Variants in OBSL1 observed in about 807,000 individuals in gnomAD.
The protein encoded by OBSL1 is obscurin like cytoskeletal adaptor 1.
Under a neutral mutation model 172.0 loss-of-function variants are expected in OBSL1, and 160 were observed. That is an observed-to-expected ratio of 0.93 (90% CI 0.82 to 1.06). OBSL1 has a LOEUF of 1.06. OBSL1 is among the 50% of genes least tolerant of loss of function. OBSL1 has a pLI of 0.00. For missense variants in OBSL1, 2,681 were observed against 2,715.4 expected, an observed-to-expected ratio of 0.99 and a Z score of 0.28; for synonymous variants, 1,200 against 1,196.3, an observed-to-expected ratio of 1.00 and a Z score of -0.06.
downstream of OBSL1, chr2:219,549,825 G>A: frequency 8.1e-6 from 13 of 1,614,114 alleles, no homozygotes; most frequent in Non-Finnish European, 1.1e-5. Context: ...ACCTCTGACA[G>A]CCTGCTCAGG....
rs1259052145 is a variant in OBSL1, at chr2:219,551,846, C to T, written c.5414-48G>A. The T allele has an allele frequency of 3.9e-6, 5 of 1,266,602 alleles. No homozygotes were observed. In the East Asian group the frequency reaches 1.2e-4, roughly 30 times the overall value. 78.5% of individuals were successfully genotyped at this position (1,266,602 alleles called of 1,614,324 possible). A position where few individuals can be genotyped will look rare whatever the true frequency, so the allele number is the denominator to read the frequency against. On this transcript the variant is annotated intron_variant, in intron 19 of 20. Coordinates refer to ENST00000404537, the MANE Select transcript of OBSL1 (RefSeq NM_015311.3). ...TAAGTTAATAGGGACACGCATGGCCCCCAGGAGGAGAGATGCATCTTCCCT... is the reference window on the plus strand; with the variant it reads ...TAAGTTAATAGGGACACGCATGGCCTCCAGGAGGAGAGATGCATCTTCCCT...
chr2:219,567,304 G>C lies in OBSL1; in HGVS notation c.1806C>G (p.Pro602=). 1 of 1,602,790 alleles carries C rather than the reference G, an allele frequency of 6.2e-7. No individual in the cohort carries two copies. The highest frequency in any genetic ancestry group is 8.5e-7 in the Non-Finnish European group (1 of 1,171,310). ...GAGCAGAACCGTGGAACACCACGTG[G>C]GGACTACGGCCATGTCCGCTGACTG... ...ICTVSGHGRS[P]HVVFHGSAHL... Residue 602 remains proline (P), a synonymous_variant, in exon 4 of 21, where the codon CCC becomes CCG. Transcript: ENST00000404537.
rs1438099743 is a variant in OBSL1, at chr2:219,556,039, C to G, written c.4590G>C (p.Leu1530=). The G allele has an allele frequency of 6.2e-7, 1 of 1,613,584 alleles. No homozygotes were observed. The highest frequency in any genetic ancestry group is 8.5e-7 in the Non-Finnish European group (1 of 1,179,882). ...YGCESHHDRT[L]ARLSVRPRQL... ...ACTCACGCCTCACGCTGAGCCTGGCCAGGGTGCGATCGTGGTGGCTCTCGC... is the reference window on the plus strand; with the variant it reads ...ACTCACGCCTCACGCTGAGCCTGGCGAGGGTGCGATCGTGGTGGCTCTCGC... Residue 1530 remains leucine (L), a synonymous_variant, in exon 14 of 21, where the codon CTG becomes CTC. Coordinates refer to ENST00000404537, the MANE Select transcript of OBSL1 (RefSeq NM_015311.3).
At chr2:219,547,809 G>C, downstream of OBSL1, 1 of 1,591,754 alleles carries the variant, frequency 6.3e-7, no homozygotes. Context: ...CTGGGGGGCG[G>C]CCTGCTCTGT....
downstream of OBSL1, chr2:219,549,500 A>C: frequency 7.9e-7 from 1 of 1,258,576 alleles, no homozygotes; most frequent in Non-Finnish European, 1.1e-6. Flanking sequence ...GAGCCCATGC[A>C]CCAGGGGCTT....
At chr2:219,553,826 A>T in intron 15 of OBSL1, 140 bp from the exon 16 acceptor site, 1 of 289,528 alleles carries the variant, frequency 3.5e-6, no homozygotes, top group Non-Finnish European at 7.0e-6. Flanking sequence ...AAGTGGTCCA[A>T]GAAGGATCTG....
In OBSL1 at chr2:219,557,416, T is replaced by C. The variant is rs1303228082; in HGVS notation, c.3993A>G (p.Ala1331=). The C allele has an allele frequency of 6.5e-7, 1 of 1,548,848 alleles. No homozygotes were observed. Among genetic ancestry groups the C allele is most frequent in the South Asian group, 1.2e-5 (1 of 83,898 alleles). The change falls in exon 12 of 21, where the codon GCA becomes GCG. Residue 1331 remains alanine, a synonymous_variant. Transcript: ENST00000404537. ...GGTACTCCCCAGCGTCCCCGCTCCG[T>C]GCCCCCTGCACCCGCAGCACCTGCC... The part of the protein sequence containing the change: ...GARQVLRVQG[A]RSGDAGEYLC...
chr2:219,552,125 T>A lies in OBSL1; in HGVS notation c.5400A>T (p.Leu1800=), dbSNP rs886055657. The A allele has an allele frequency of 6.2e-7, 1 of 1,610,412 alleles. No individual in the cohort carries two copies. Among genetic ancestry groups the A allele is most frequent in the East Asian group, 2.2e-5 (1 of 44,738 alleles). The change falls in exon 19 of 21, where the codon CTA becomes CTT. Residue 1800 remains leucine (L), a synonymous_variant. Coordinates refer to ENST00000404537, the MANE Select transcript of OBSL1 (RefSeq NM_015311.3). The stretch of plus-strand genomic sequence containing the variant: ...CCAGGTGCTTACCCTCCACTTCCAG[T>A]AGAGCCAGGGACTGGGCGGGCCCCG... ...FQAGPAQSLA[L]LEVEALPLQM...
chr2:219,553,128 G>A, intron 16 of OBSL1, 104 bp from the exon 17 acceptor site: 1 of 1,344,548 alleles, frequency 7.4e-7, no homozygotes, highest in Non-Finnish European at 9.7e-7. Flanking sequence ...CGGTCTCGAG[G>A]CGCGTTTATG....
chr2:219,552,385 TG>T lies in OBSL1; in HGVS notation c.5308+150del. On this transcript the variant is annotated intron_variant, in intron 18 of 20. Transcript: ENST00000404537. ...AGCCTAGAGGTCCGGGACTAGGGGC[TG>T]GGGGCGGGGGAAAGAACAGGGACGA... 4 of 672,786 alleles carry T rather than the reference TG, an allele frequency of 5.9e-6. No homozygotes were observed. The South Asian group carries it at 9.0e-5, about 15-fold the overall frequency. 41.7% of individuals were successfully genotyped at this position (672,786 alleles called of 1,614,324 possible).
intron 8 of OBSL1, chr2:219,561,754 A>T: frequency 3.0e-6 from 2 of 664,512 alleles, no homozygotes; most frequent in South Asian, 3.4e-5. Context: ...GGTTTAACAC[A>T]GGGGTCGCAA....
chr2:219,562,364 T>C, intron 8 of OBSL1, 38 bp downstream of exon 8: 7 of 1,601,640 alleles, frequency 4.4e-6, no homozygotes, highest in Non-Finnish European at 6.0e-6. Context: ...GGCTCAGGGC[T>C]GTCTCTGTGA....
At chr2:219,559,714 C>T in intron 8 of OBSL1, 1 of 548,564 alleles carries the variant, frequency 1.8e-6, no homozygotes, top group South Asian at 2.8e-5. Context: ...TGATGCGTTT[C>T]TCATCTATCA....
In OBSL1 at chr2:219,565,360, CACCAGCA is replaced by C; in HGVS notation, c.2282_2288del (p.Leu761TrpfsTer2). The C allele has an allele frequency of 6.2e-7, 1 of 1,614,042 alleles. No homozygotes were observed. Among genetic ancestry groups the C allele is most frequent in the Non-Finnish European group, 8.5e-7 (1 of 1,179,894 alleles). On this transcript the variant is annotated frameshift_variant, in exon 6 of 21. Transcript: ENST00000404537. LOFTEE classifies it high-confidence loss of function. ...GGTGTTTGCGCCCATCCATCTTCAC[CACCAGCA>C]ACTCGCTCTCCTCCACCTTCTGCCC...
At position 219,568,322 on chromosome 2, in the gene OBSL1, G is replaced by A. The variant is rs766023557; in HGVS notation, c.1015C>T (p.Pro339Ser). The A allele has an allele frequency of 2.5e-6, 4 of 1,600,740 alleles. No individual in the cohort carries two copies. In the South Asian group the frequency reaches 3.4e-5, roughly 13 times the overall value. ...AGGGGCCGTGTGAACCGGAGGCGGG[G>A]CTCTGTGGAGAGGGGAGAGAGAGAC... ...LSAVQLHVKE[P>S]RLRFTRPLQD... is the part of the protein sequence containing the mutation. Residue 339 changes from proline to serine, a missense_variant and splice_region_variant, in exon 2 of 21, where the codon CCC becomes TCC. Physicochemically the swap from Pro to Ser is moderately conservative, Grantham distance 74. This residue lies in a region of OBSL1 where 706 missense variants were observed against 695.8 expected (regional missense o/e 1.01). Transcript: ENST00000404537. The surrounding 1 kb of genome is among the most constrained non-coding windows in gnomAD (Gnocchi z 4.1).
At chr2:219,552,479 C>G (rs1356525804) in intron 18 of OBSL1, 57 bp downstream of exon 18, 1 of 1,502,662 alleles carries the variant, frequency 6.7e-7, no homozygotes, top group Non-Finnish European at 8.9e-7. Context: ...GGGGCGGGAT[C>G]TGTTCGAGCC....
chr2:219,563,865 G>A (rs975995710), intron 6 of OBSL1, among the ~76,000 whole-genome samples: 1 of 152,198 alleles, frequency 6.6e-6, no homozygotes, highest in Non-Finnish European at 1.5e-5. Context: ...AGAGGTGGCG[G>A]GGTGAGTACA....
At position 219,566,951 on chromosome 2, in the gene OBSL1, A is replaced by G; in HGVS notation, c.2013T>C (p.Arg671=). 8 of 1,613,638 alleles carry G rather than the reference A, an allele frequency of 5.0e-6. No individual in the cohort carries two copies. The highest frequency in any genetic ancestry group is 6.8e-6 in the Non-Finnish European group (8 of 1,179,840). ...TGTGCTGCAGACCCTTCTGCTCTAT[A>G]CGGTACCGCAGGGCCCCAGGTTCCA... ...GQVEPGALRY[R]IEQKGLQHRL... The change falls in exon 5 of 21, where the codon CGT becomes CGC. Residue 671 remains arginine, a synonymous_variant. Transcript: ENST00000404537.
chr2:219,568,091 C>T lies in OBSL1; in HGVS notation c.1246G>A (p.Gly416Ser), dbSNP rs761945374. 1.9e-6 allele frequency: 3 copies of T among 1,612,352 alleles called. No individual in the cohort carries two copies. The highest frequency in any genetic ancestry group is 2.2e-5 in the East Asian group (1 of 44,834). ...ACGTTGGCCACGGTGCGCACCCGGC[C>T]CCGCATCTCGCACAGGTAGATACCA... ...DDGIYLCEMR[G>S]RVRTVANVTV... The change falls in exon 2 of 21, where the codon GGC becomes AGC. Residue 416 changes from glycine to serine, a missense_variant. Around this residue, in one of 5 missense-constraint regions of OBSL1, gnomAD observed 706 missense variants for 695.8 expected, o/e 1.01. Coordinates refer to ENST00000404537, the MANE Select transcript of OBSL1 (RefSeq NM_015311.3). This position sits in a 1 kb window ranked among gnomAD's most constrained non-coding sequence, Gnocchi z 4.1.
Sources: allele counts gnomAD v4.1 joint callset (sites outside exome capture counted in the v4.1 genomes callset), GRCh38; gene constraint gnomAD v4.1.1; regional missense constraint gnomAD v4.1.1; non-coding constraint Gnocchi (gnomAD v3.1); transcripts MANE v1.5; gene names NCBI Gene and HGNC (gene_info 2026-07-23, HGNC 2026-07-21).